The following CSMD1 variants were observed in gnomAD, a reference collection of about 807,000 sequenced individuals.
The protein encoded by CSMD1 is CUB and Sushi multiple domains 1.
A neutral mutation model predicts 417.5 loss-of-function variants in CSMD1; 213 were observed. That is an observed-to-expected ratio of 0.51 (90% CI 0.46 to 0.57). CSMD1 has a LOEUF of 0.57. Among genes scored for constraint, CSMD1 ranks in the 20% least tolerant of loss-of-function variants. The pLI is 0.00. For synonymous variants in CSMD1, 2,862 were observed against 1,736.8 expected (o/e 1.65, Z -16.11); for missense variants, 6,923 against 4,529.7 (o/e 1.53, Z -15.17).
At chr8:4,041,140 C>A (rs1027061559) in intron 3 of CSMD1, among the ~76,000 whole-genome samples, 8 of 151,424 alleles carry the variant, frequency 5.3e-5, no homozygotes, top group Non-Finnish European at 7.4e-5. Context: ...CCTCAGCCTC[C>A]CGAGTAGCTG....
At chr8:4,006,449 C>G (rs941334800) in intron 4 of CSMD1, among the ~76,000 whole-genome samples, 1 of 152,096 alleles carries the variant, frequency 6.6e-6, no homozygotes, top group South Asian at 2.1e-4. Context: ...GAGGCTGAGG[C>G]CGAAGAATCG....
intron 2 of CSMD1, among the ~76,000 whole-genome samples, chr8:4,421,228 G>A (rs962198395): frequency 2.6e-5 from 4 of 152,114 alleles, no homozygotes; most frequent in Admixed American, 6.6e-5. Context: ...TGAAGCAAAC[G>A]TTGCTTTAAG....
At chr8:3,941,398 G>T (rs562884143) in intron 5 of CSMD1, among the ~76,000 whole-genome samples, 1 of 152,126 alleles carries the variant, frequency 6.6e-6, no homozygotes, top group Admixed American at 6.6e-5. Flanking sequence ...TTTCTCAAAA[G>T]TTTAAAATTG....
chr8:4,532,048 TC>T (rs1196798257), intron 2 of CSMD1, among the ~76,000 whole-genome samples: 8 of 139,940 alleles, frequency 5.7e-5, no homozygotes, highest in Non-Finnish European at 1.1e-4. Context: ...ATTCAGTCAC[TC>T]CGGAAAATAA....
At position 4,794,448 on chromosome 8, in the gene CSMD1, G is replaced by T. The variant is rs113372730; in HGVS notation, c.86-156890C>A. On this transcript the variant is annotated intron_variant, in intron 1 of 69. Transcript: ENST00000635120. ...TTATGACAGCATTTAAAACAAAATG[G>T]TTCCTCATTGCTCTTAAAATCCAGT... 3.4e-3 allele frequency among the ~76,000 whole-genome samples: 517 copies of T among 152,156 alleles called. 9 individuals are homozygous for T. The highest frequency in any genetic ancestry group is 0.011 in the African/African-American group (477 of 41,506).
chr8:4,954,372 T>G (rs1349236021), intron 1 of CSMD1, among the ~76,000 whole-genome samples: 1 of 152,182 alleles, frequency 6.6e-6, no homozygotes, highest in South Asian at 2.1e-4. Flanking sequence ...GACACATTTT[T>G]TGTGTGTGAT....
chr8:4,424,583 G>A (rs568741275), intron 2 of CSMD1, among the ~76,000 whole-genome samples: 1 of 151,974 alleles, frequency 6.6e-6, no homozygotes, highest in Non-Finnish European at 1.5e-5. Context: ...AAAATTGGTT[G>A]CTCTTATACT....
At chr8:4,826,152 T>G (rs1330388147) in intron 1 of CSMD1, among the ~76,000 whole-genome samples, 2 of 152,062 alleles carry the variant, frequency 1.3e-5, no homozygotes, top group Non-Finnish European at 2.9e-5. Context: ...CCAACAGAAT[T>G]CAAATCAGGA....
chr8:3,283,956 C>G (rs1413219483), intron 26 of CSMD1, among the ~76,000 whole-genome samples, 188 bp downstream of exon 26: 1 of 152,250 alleles, frequency 6.6e-6, no homozygotes, highest in Non-Finnish European at 1.5e-5. Context: ...GTTATCGTGG[C>G]CTCAGCCATG....
rs114429823 is a variant in CSMD1, at chr8:3,675,637, G to C, written c.1009+32777C>G. Among the ~76,000 whole-genome samples, 1,057 of 152,196 alleles carry C rather than the reference G, an allele frequency of 6.9e-3. 13 individuals are homozygous for C. Among genetic ancestry groups the C allele is most frequent in the African/African-American group, 0.024 (998 of 41,562 alleles). The stretch of plus-strand genomic sequence containing the variant: ...CCCTTATAAGGAAAGGAGGAAACCA[G>C]GGTGTTCTCTGCCACTCAAGGACAC... On this transcript the variant is annotated intron_variant, in intron 7 of 69. Transcript: ENST00000635120.
chr8:2,954,679 C>A (rs576213293), intron 64 of CSMD1, among the ~76,000 whole-genome samples: 2 of 152,140 alleles, frequency 1.3e-5, no homozygotes, highest in Non-Finnish European at 2.9e-5. Flanking sequence ...TCAATTTATA[C>A]GTTACTACTG....
At chr8:3,448,215 A>G (rs374164957) in intron 12 of CSMD1, among the ~76,000 whole-genome samples, 141 of 148,630 alleles carry the variant, frequency 9.5e-4, no homozygotes, top group African/African-American at 3.4e-3. Context: ...GTGTTTCCTG[A>G]TGGGGCCAAC....
At chr8:3,720,833 C>T (rs1243586912) in intron 6 of CSMD1, among the ~76,000 whole-genome samples, 24 of 149,942 alleles carry the variant, frequency 1.6e-4, no homozygotes, top group Non-Finnish European at 7.4e-5. Context: ...CTTTTTTTTT[C>T]GAGAGTCTCG....
intron 6 of CSMD1, among the ~76,000 whole-genome samples, chr8:3,720,282 A>C (rs76177131): frequency 6.6e-6 from 1 of 152,100 alleles, no homozygotes; most frequent in African/African-American, 2.4e-5. Context: ...TTAATCAATC[A>C]ATAGAGCTTA....
intron 1 of CSMD1, among the ~76,000 whole-genome samples, chr8:4,992,832 G>A (rs953101881): frequency 6.6e-6 from 1 of 152,224 alleles, no homozygotes; most frequent in Non-Finnish European, 1.5e-5. Flanking sequence ...CCAGTCCCGA[G>A]CGACCACGAG....
chr8:4,285,103 T>C (rs1433725737), intron 3 of CSMD1, among the ~76,000 whole-genome samples: 1 of 152,234 alleles, frequency 6.6e-6, no homozygotes, highest in African/African-American at 2.4e-5. Context: ...GCTATTATTA[T>C]GAATGCTAAT....
At chr8:3,436,552 ATTTTC>A (rs1484352683) in intron 12 of CSMD1, among the ~76,000 whole-genome samples, 1 of 152,070 alleles carries the variant, frequency 6.6e-6, no homozygotes, top group Non-Finnish European at 1.5e-5. Flanking sequence ...TCATTGTTTC[ATTTTC>A]TTTTCTACCT....
At chr8:4,173,150 G>A (rs1025204248) in intron 3 of CSMD1, among the ~76,000 whole-genome samples, 1 of 152,196 alleles carries the variant, frequency 6.6e-6, no homozygotes, top group African/African-American at 2.4e-5. Context: ...AGGGTTGCTA[G>A]ATTGATTATA....
At chr8:3,954,409 C>A (rs1563249582) in intron 5 of CSMD1, among the ~76,000 whole-genome samples, 1 of 152,296 alleles carries the variant, frequency 6.6e-6, no homozygotes, top group Middle Eastern at 3.4e-3. Flanking sequence ...GCTGCCCAGG[C>A]TGGAGTGCAG....
Sources: allele counts gnomAD v4.1 joint callset (sites outside exome capture counted in the v4.1 genomes callset), GRCh38; gene constraint gnomAD v4.1.1; transcripts MANE v1.5; gene names NCBI Gene and HGNC (gene_info 2026-07-23, HGNC 2026-07-21).